The following ICA1 variants were observed in gnomAD, a reference collection of about 807,000 sequenced individuals.
ICA1 encodes islet cell autoantigen 1, also known as 69 kDa islet cell autoantigen.
Under a neutral mutation model 71.0 loss-of-function variants are expected in ICA1, and 40 were observed. The observed-to-expected ratio is 0.56, with a 90% CI of 0.44 to 0.73. The LOEUF (loss-of-function observed/expected upper bound fraction) is 0.73. ICA1 is among the 30% of genes least tolerant of loss of function. The pLI is 0.00. For synonymous variants in ICA1, 207 were observed against 209.5 expected (o/e 0.99, Z 0.10); for missense variants, 578 against 576.5 (o/e 1.00, Z -0.03).
chr7:8,189,601 A>AG (rs1784921829), intron 6 of ICA1, among the ~76,000 whole-genome samples: 1 of 152,128 alleles, frequency 6.6e-6, no homozygotes, highest in Non-Finnish European at 1.5e-5. Flanking sequence ...TTCCCAGGCC[A>AG]GGCCACAAAA....
chr7:8,242,641 A>G (rs1225153181), intron 1 of ICA1, among the ~76,000 whole-genome samples: 4 of 152,216 alleles, frequency 2.6e-5, no homozygotes, highest in Non-Finnish European at 5.9e-5. Context: ...TTTTTTGAAA[A>G]GATCAACAAA....
intron 6 of ICA1, among the ~76,000 whole-genome samples, chr7:8,199,912 G>C (rs1451813265): frequency 5.3e-5 from 8 of 152,144 alleles, no homozygotes; most frequent in Admixed American, 5.2e-4. Context: ...AGGCTGGGAA[G>C]GGTAATGGGA....
intron 6 of ICA1, among the ~76,000 whole-genome samples, chr7:8,202,158 A>T (rs552627231): frequency 2.0e-5 from 3 of 152,360 alleles, no homozygotes; most frequent in East Asian, 1.9e-4. Flanking sequence ...TCTTAACCTT[A>T]TTCAACTGAC....
intron 6 of ICA1, among the ~76,000 whole-genome samples, chr7:8,189,946 G>A (rs1466883605): frequency 6.6e-6 from 1 of 152,216 alleles, no homozygotes; most frequent in African/African-American, 2.4e-5. Context: ...AAGGCCCACA[G>A]TAATGAGGGT....
At chr7:8,133,558 G>A (rs545696153) in intron 12 of ICA1, among the ~76,000 whole-genome samples, 8 of 152,274 alleles carry the variant, frequency 5.3e-5, no homozygotes, top group Non-Finnish European at 1.0e-4. Flanking sequence ...AATTATCCAG[G>A]TGCCAGTATT....
chr7:8,212,700 C>CG (rs1794201286), intron 6 of ICA1, among the ~76,000 whole-genome samples: 1 of 152,174 alleles, frequency 6.6e-6, no homozygotes. Flanking sequence ...TCAGCAAGGG[C>CG]GGGGACGGAG....
At chr7:8,186,399 A>G (rs540681215) in intron 6 of ICA1, among the ~76,000 whole-genome samples, 1 of 152,148 alleles carries the variant, frequency 6.6e-6, no homozygotes, top group South Asian at 2.1e-4. Flanking sequence ...AGGGAAGGAG[A>G]GTGGGCTGGG....
At position 8,253,560 on chromosome 7, in the gene ICA1, T is replaced by C. The variant is rs192887727; in HGVS notation, c.-80+8534A>G. 8.5e-5 allele frequency among the ~76,000 whole-genome samples: 13 copies of C among 152,192 alleles called. 1 individual carries two copies. Among genetic ancestry groups the C allele is most frequent in the Middle Eastern group, 6.3e-3 (2 of 316 alleles). On this transcript the variant is annotated intron_variant, in intron 1 of 13. Coordinates refer to ENST00000402384, the MANE Select transcript of ICA1 (RefSeq NM_001136020.3). ...GGTTTGGACTGCATAGGTCCACCTA[T>C]ACACCAGTTTTTTTCAACCAAAGGC...
At position 8,185,248 on chromosome 7, in the gene ICA1, A is replaced by G. The variant is rs542032429; in HGVS notation, c.580-26596T>C. The stretch of plus-strand genomic sequence containing the variant: ...TTTTAATCCTGACCTTGTAAGAATT[A>G]TAAGTGAACACATCAATGTACCTAA... On this transcript the variant is annotated intron_variant, in intron 6 of 13. Coordinates refer to ENST00000402384, the MANE Select transcript of ICA1 (RefSeq NM_001136020.3). Among the ~76,000 whole-genome samples the G allele has an allele frequency of 5.9e-5, 9 of 152,352 alleles. No individual in the cohort carries two copies. The South Asian group carries it at 8.3e-4, about 14-fold the overall frequency.
intron 6 of ICA1, among the ~76,000 whole-genome samples, chr7:8,163,914 G>A (rs923006540): frequency 6.6e-6 from 1 of 152,108 alleles, no homozygotes; most frequent in Non-Finnish European, 1.5e-5. Context: ...GAAAAACACT[G>A]GAGGCTTTTA....
chr7:8,256,610 G>T (rs1810293403), intron 1 of ICA1, among the ~76,000 whole-genome samples: 1 of 152,086 alleles, frequency 6.6e-6, no homozygotes, highest in Non-Finnish European at 1.5e-5. Flanking sequence ...CTCTCCCCAT[G>T]GGTCTTGCAC....
Position 8,113,868 on chromosome 7 carries a change from C to T in ICA1, c.*55G>A, listed in dbSNP as rs1013687945. On this transcript the variant is annotated 3_prime_UTR_variant, in exon 14 of 14. Coordinates refer to ENST00000402384, the MANE Select transcript of ICA1 (RefSeq NM_001136020.3). This position sits in a 1 kb window ranked among gnomAD's most constrained non-coding sequence, Gnocchi z 4.2. ...ACTGATCACTTTATACTTCTGCTAG[C>T]CCCCAGGGGAGCTGCTGGGGGCGGC... 9.4e-6 allele frequency: 15 copies of T among 1,598,628 alleles called. No individual in the cohort carries two copies. The highest frequency in any genetic ancestry group is 6.7e-5 in the East Asian group (3 of 44,778).
chr7:8,166,962 A>C (rs1365345465), intron 6 of ICA1, among the ~76,000 whole-genome samples: 4 of 152,228 alleles, frequency 2.6e-5, no homozygotes, highest in Non-Finnish European at 5.9e-5. Flanking sequence ...ATGGCTATTA[A>C]AAAGTCAAAA....
intron 6 of ICA1, among the ~76,000 whole-genome samples, chr7:8,171,015 A>C (rs1052021349): frequency 6.6e-6 from 1 of 151,980 alleles, no homozygotes; most frequent in Admixed American, 6.6e-5. Flanking sequence ...TCAATCCAAA[A>C]AGAAACCCCA....
intron 6 of ICA1, among the ~76,000 whole-genome samples, chr7:8,179,350 A>G (rs542990912): frequency 1.3e-4 from 20 of 152,294 alleles, no homozygotes; most frequent in African/African-American, 4.8e-4. Context: ...TTCTAGCTAT[A>G]ATGTTGGAAG....
chr7:8,192,124 T>C (rs1258882329), intron 6 of ICA1, among the ~76,000 whole-genome samples: 4 of 152,196 alleles, frequency 2.6e-5, no homozygotes, highest in South Asian at 2.1e-4. Context: ...AGTACAATTA[T>C]TGAAATCAGG....
intron 12 of ICA1, among the ~76,000 whole-genome samples, chr7:8,129,345 TA>T (rs1462950447): frequency 1.3e-5 from 2 of 151,630 alleles, no homozygotes; most frequent in African/African-American, 2.4e-5. Context: ...TTCAAATGTA[TA>T]AGATAATTAG....
At chr7:8,146,762 TG>T (rs1797098793) in intron 8 of ICA1, among the ~76,000 whole-genome samples, 2 of 149,720 alleles carry the variant, frequency 1.3e-5, no homozygotes, top group Admixed American at 6.6e-5. Context: ...TGTGTGTGTG[TG>T]TTTAGTATAT....
intron 1 of ICA1, among the ~76,000 whole-genome samples, chr7:8,251,947 TTTTGTGC>T (rs1459133082): frequency 1.3e-5 from 2 of 152,176 alleles, no homozygotes; most frequent in Non-Finnish European, 2.9e-5. Flanking sequence ...CGATGGTGAA[TTTTGTGC>T]TACACCAAAA....
Sources: gnomAD v4.1 joint callset for allele counts (sites outside exome capture counted in the v4.1 genomes callset) on GRCh38, gnomAD v4.1.1 for gene constraint, Gnocchi (gnomAD v3.1) non-coding constraint, MANE v1.5 for transcripts, NCBI Gene and HGNC (gene_info 2026-07-23, HGNC 2026-07-21) for gene names.